Variants in GNPDA2 observed in about 807,000 individuals in gnomAD.
GNPDA2 encodes the protein glcN6P deaminase 2.
GNPDA2 carries 24 observed loss-of-function variants against 27.0 expected under a neutral mutation model. The ratio of observed to expected loss-of-function variants is 0.89; its 90% CI spans 0.64 to 1.25. GNPDA2 has a LOEUF of 1.25. Ranked by LOEUF, GNPDA2 falls within the 50% of genes most tolerant of loss-of-function variation. The pLI is 0.00. For missense variants in GNPDA2, 286 were observed against 335.1 expected, an observed-to-expected ratio of 0.85 and a Z score of 1.14; for synonymous variants, 94 against 108.4, an observed-to-expected ratio of 0.87 and a Z score of 0.83.
intron 2 of GNPDA2, among the ~76,000 whole-genome samples, chr4:44,720,609 C>T (rs1717602416): frequency 6.6e-6 from 1 of 151,998 alleles, no homozygotes. Context: ...AGAAATTGCG[C>T]TTGATAGGGA....
rs1716349587 is a variant in GNPDA2, at chr4:44,702,670, GT to G, written c.*410del. 1 of 1,016,620 alleles carries G rather than the reference GT, an allele frequency of 9.8e-7. No individual in the cohort carries two copies. Among genetic ancestry groups the G allele is most frequent in the South Asian group, 4.1e-5 (1 of 24,674 alleles). The allele number at this position is 1,016,620 out of a possible 1,614,324, so 63.0% of individuals were successfully genotyped here. The stretch of plus-strand genomic sequence containing the variant: ...AAAATATAAAGATTGCATTCCAAAA[GT>G]GAAGGTCTGCAATGATAGTTTGTTA... On this transcript the variant is annotated 3_prime_UTR_variant, in exon 7 of 7. Coordinates refer to ENST00000295448, the MANE Select transcript of GNPDA2 (RefSeq NM_138335.3).
At chr4:44,705,193 A>C in intron 6 of GNPDA2, 1 of 982,332 alleles carries the variant, frequency 1.0e-6, no homozygotes, top group Non-Finnish European at 1.2e-6. Flanking sequence ...TATGGATGAC[A>C]ATTATAGGAA....
intron 6 of GNPDA2, chr4:44,703,523 C>T: frequency 1.0e-6 from 1 of 997,774 alleles, no homozygotes; most frequent in East Asian, 1.1e-4. Flanking sequence ...CTACTAGACT[C>T]CAGCCAGGGG....
At chr4:44,726,103 C>T (rs555718464) in intron 1 of GNPDA2, among the ~76,000 whole-genome samples, 13 of 152,244 alleles carry the variant, frequency 8.5e-5, no homozygotes, top group African/African-American at 2.9e-4. Flanking sequence ...GCCCGGGAGG[C>T]GGGGGCTGCA....
At chr4:44,722,298 G>A in intron 1 of GNPDA2, 56 bp from the exon 2 acceptor site, 2 of 1,325,118 alleles carry the variant, frequency 1.5e-6, no homozygotes, top group Non-Finnish European at 2.1e-6. Context: ...TTTAAATTCA[G>A]TAACTTTTTA....
chr4:44,726,229 C>G (rs1052788583), intron 1 of GNPDA2, among the ~76,000 whole-genome samples: 1 of 142,818 alleles, frequency 7.0e-6, no homozygotes, highest in African/African-American at 2.6e-5. Flanking sequence ...AAGAAGAAGC[C>G]GCGAGAGAGG....
In GNPDA2 at chr4:44,702,135, CT is replaced by C; in HGVS notation, c.*945del. The C allele has an allele frequency of 1.1e-6, 1 of 948,030 alleles. No homozygotes were observed. Among genetic ancestry groups the C allele is most frequent in the Non-Finnish European group, 1.3e-6 (1 of 795,532 alleles). 58.7% of individuals were successfully genotyped at this position (948,030 alleles called of 1,614,324 possible). A position where few individuals can be genotyped will look rare whatever the true frequency, so the allele number is the denominator to read the frequency against. On this transcript the variant is annotated 3_prime_UTR_variant, in exon 7 of 7. Transcript: ENST00000295448. ...CGAATGCATGTATTCTTCAGGTTCA[CT>C]TCTGGAAATTTAGATAACTTATTTA...
At chr4:44,705,851 A>G (rs1190974891) in intron 6 of GNPDA2, 6 of 151,990 alleles carry the variant, frequency 3.9e-5, no homozygotes, top group Non-Finnish European at 7.4e-5. Context: ...AAATGGGACT[A>G]TGAATACCCA....
At position 44,719,529 on chromosome 4, in the gene GNPDA2, T is replaced by C. The variant is rs1028242883; in HGVS notation, c.125-1119A>G. 2.6e-5 allele frequency among the ~76,000 whole-genome samples: 4 copies of C among 152,188 alleles called. No homozygotes were observed. In the East Asian group the frequency reaches 7.7e-4, roughly 29 times the overall value. On this transcript the variant is annotated intron_variant, in intron 2 of 6. Transcript: ENST00000295448. Reference sequence around the variant, plus strand: ...TGTTGTTTTCAATTACAATTATTAATTTAAAAATTATGTAGTAAAATTTTA... The same window carrying C: ...TGTTGTTTTCAATTACAATTATTAACTTAAAAATTATGTAGTAAAATTTTA...
At position 44,702,892 on chromosome 4, in the gene GNPDA2, C is replaced by A; in HGVS notation, c.*189G>T. The A allele has an allele frequency of 7.1e-7, 1 of 1,408,800 alleles. No homozygotes were observed. The highest frequency in any genetic ancestry group is 9.2e-7 in the Non-Finnish European group (1 of 1,091,130). 87.3% of individuals were successfully genotyped at this position (1,408,800 alleles called of 1,614,324 possible). The stretch of plus-strand genomic sequence containing the variant: ...ATAGCCAGTCAATCTTGAGAGCCAG[C>A]TACTTCTCTTAAACCCAAGTACAAG... On this transcript the variant is annotated 3_prime_UTR_variant, in exon 7 of 7. Transcript: ENST00000295448.
chr4:44,704,736 A>G, intron 6 of GNPDA2: 1 of 984,616 alleles, frequency 1.0e-6, no homozygotes. Context: ...TTACCAGAAG[A>G]AAGGTTAAAT....
chr4:44,702,418 G>A lies in GNPDA2; in HGVS notation c.*663C>T, dbSNP rs6854175. On this transcript the variant is annotated 3_prime_UTR_variant, in exon 7 of 7. Transcript: ENST00000295448. The stretch of plus-strand genomic sequence containing the variant: ...TATATTAGGGACATGAACCCAAGTC[G>A]TTAAATAAAAATAAGATATTTGTAA... 3,817 of 975,470 alleles carry A rather than the reference G, an allele frequency of 3.9e-3. 100 individuals are homozygous for A. In the African/African-American group the frequency reaches 0.055, roughly 14 times the overall value. The allele number at this position is 975,470 out of a possible 1,614,324, so 60.4% of individuals were successfully genotyped here.
At chr4:44,705,305 C>A in intron 6 of GNPDA2, 1 of 984,312 alleles carries the variant, frequency 1.0e-6, no homozygotes, top group South Asian at 4.7e-5. Context: ...TTCAATTTCT[C>A]TACCCTTTAC....
intron 6 of GNPDA2, chr4:44,704,005 G>A (rs995626078): frequency 1.0e-6 from 1 of 985,214 alleles, no homozygotes; most frequent in South Asian, 4.7e-5. Context: ...CAGGAAATGG[G>A]ATTACTGGAT....
At position 44,702,233 on chromosome 4, in the gene GNPDA2, A is replaced by G. The variant is rs1235250264; in HGVS notation, c.*848T>C. The G allele has an allele frequency of 1.5e-6, 1 of 688,088 alleles. No homozygotes were observed. Among genetic ancestry groups the G allele is most frequent in the Non-Finnish European group, 1.8e-6 (1 of 558,064 alleles). 42.6% of individuals were successfully genotyped at this position (688,088 alleles called of 1,614,324 possible). ...GTAAATTGCTATGGCAATGTAGTTTACAGTAATTCCTTTTATATATACTTC... is the reference window on the plus strand; with the variant it reads ...GTAAATTGCTATGGCAATGTAGTTTGCAGTAATTCCTTTTATATATACTTC... On this transcript the variant is annotated 3_prime_UTR_variant, in exon 7 of 7. Coordinates refer to ENST00000295448, the MANE Select transcript of GNPDA2 (RefSeq NM_138335.3).
Position 44,702,454 on chromosome 4 carries a change from T to C in GNPDA2, c.*627A>G, listed in dbSNP as rs1716336074. On this transcript the variant is annotated 3_prime_UTR_variant, in exon 7 of 7. Transcript: ENST00000295448. ...ATAAGATATTTGTAAAAAAGTGCTA[T>C]AGAAGAAGGTGCACAAAAAACATGC... 6.1e-6 allele frequency: 6 copies of C among 977,022 alleles called. No individual in the cohort carries two copies. Among genetic ancestry groups the C allele is most frequent in the East Asian group, 1.1e-4 (1 of 8,770 alleles). 60.5% of individuals were successfully genotyped at this position (977,022 alleles called of 1,614,324 possible). A position where few individuals can be genotyped will look rare whatever the true frequency, so the allele number is the denominator to read the frequency against.
chr4:44,721,911 T>A (rs949913955), intron 2 of GNPDA2, among the ~76,000 whole-genome samples, 173 bp downstream of exon 2: 2 of 152,188 alleles, frequency 1.3e-5, no homozygotes, highest in African/African-American at 4.8e-5. Context: ...AGTAACACAT[T>A]GTAGATAGTA....
chr4:44,704,660 A>G (rs927650231), intron 6 of GNPDA2: 23 of 904,430 alleles, frequency 2.5e-5, no homozygotes, highest in Non-Finnish European at 3.0e-5. Flanking sequence ...ATATAAATAA[A>G]TAATTGCTAC....
intron 6 of GNPDA2, chr4:44,704,803 T>G: frequency 1.0e-6 from 1 of 983,166 alleles, no homozygotes; most frequent in Non-Finnish European, 1.2e-6. Flanking sequence ...TGACTCAAAA[T>G]GAACTCATTC....
Sources: allele counts gnomAD v4.1 joint callset (sites outside exome capture counted in the v4.1 genomes callset), GRCh38; gene constraint gnomAD v4.1.1; transcripts MANE v1.5; gene names NCBI Gene and HGNC (gene_info 2026-07-23, HGNC 2026-07-21).